The following ZNF614 variants were observed in gnomAD, a reference collection of about 807,000 sequenced individuals.
ZNF614 encodes the protein zinc finger protein 614.
In ZNF614, 11 loss-of-function variants were observed where a neutral mutation model predicts 12.8. The observed-to-expected ratio is 0.86, with a 90% CI of 0.54 to 1.43. ZNF614 has a LOEUF of 1.43. Among genes scored for constraint, ZNF614 ranks in the 40% most tolerant of loss-of-function variants. ZNF614 has a pLI of 0.00. For missense variants in ZNF614, 664 were observed against 708.8 expected (o/e 0.94, Z 0.72); for synonymous variants, 237 against 237.5 (o/e 1.00, Z 0.02).
intron 2 of ZNF614, among the ~76,000 whole-genome samples, chr19:52,022,454 C>T (rs935644207): frequency 3.2e-4 from 49 of 152,324 alleles, no homozygotes; most frequent in African/African-American, 1.1e-3. Flanking sequence ...AAGTGAGGAG[C>T]GCCTTTGCGC....
Position 52,017,366 on chromosome 19 carries a change from A to G in ZNF614, c.239-7T>C, listed in dbSNP as rs771439342. 1.1e-5 allele frequency: 18 copies of G among 1,581,358 alleles called. No homozygotes were observed. The African/African-American group carries it at 2.2e-4, about 19-fold the overall frequency. On this transcript the variant is annotated splice_region_variant and splice_polypyrimidine_tract_variant and intron_variant, in intron 4 of 4. Coordinates refer to ENST00000270649, the MANE Select transcript of ZNF614 (RefSeq NM_025040.4). ...CTGTCAACTTTCCCGATTCCTAAGAAAGAACAGAGTAACAAATTCTTCCAT... is the reference window on the plus strand; with the variant it reads ...CTGTCAACTTTCCCGATTCCTAAGAGAGAACAGAGTAACAAATTCTTCCAT...
intron 3 of ZNF614, 51 bp downstream of exon 3, chr19:52,018,317 G>T (rs1274600191): frequency 1.2e-6 from 2 of 1,612,788 alleles, no homozygotes; most frequent in African/African-American, 1.3e-5. Flanking sequence ...GCATAGGACG[G>T]TGTCTGGGCA....
intron 1 of ZNF614, among the ~76,000 whole-genome samples, chr19:52,026,359 G>C (rs1885583608): frequency 6.6e-6 from 1 of 152,242 alleles, no homozygotes. Context: ...TATGCTAGCA[G>C]AGACATGTGC....
In ZNF614 at chr19:52,017,271, T is replaced by C. The variant is rs2086905376; in HGVS notation, c.327A>G (p.Thr109=). 1 of 1,614,062 alleles carries C rather than the reference T, an allele frequency of 6.2e-7. No individual in the cohort carries two copies. Among genetic ancestry groups the C allele is most frequent in the Non-Finnish European group, 8.5e-7 (1 of 1,180,052 alleles). ...TGCTGAGATGTACAATATTTCTAAG[T>C]GTATTCTGTCCATTGCATTGCTGCA... ...KSVQQCNGQN[T]LRNIVHLSKT... is the part of the protein sequence containing the mutation. Residue 109 remains threonine (T), a synonymous_variant, in exon 5 of 5, where the codon ACA becomes ACG. Coordinates refer to ENST00000270649, the MANE Select transcript of ZNF614 (RefSeq NM_025040.4).
intron 4 of ZNF614, 28 bp downstream of exon 4, chr19:52,017,980 G>T: frequency 6.4e-7 from 1 of 1,560,150 alleles, no homozygotes; most frequent in Non-Finnish European, 8.8e-7. Flanking sequence ...GACTCCTATA[G>T]CCACTGTCCT....
chr19:52,018,549 A>G (rs1227987727), intron 2 of ZNF614, 55 bp from the exon 3 acceptor site: 1 of 1,516,994 alleles, frequency 6.6e-7, no homozygotes, highest in African/African-American at 1.4e-5. Context: ...TTAATATAGA[A>G]GTATAAGATA....
chr19:52,026,872 G>A (rs952685422), intron 1 of ZNF614, among the ~76,000 whole-genome samples: 2 of 152,178 alleles, frequency 1.3e-5, no homozygotes, highest in South Asian at 2.1e-4. Flanking sequence ...GGCACAGCAC[G>A]TTTCCTTAAA....
intron 3 of ZNF614, 127 bp from the exon 4 acceptor site, chr19:52,018,230 C>T (rs2086912637): frequency 6.8e-7 from 1 of 1,463,200 alleles, no homozygotes; most frequent in Non-Finnish European, 9.5e-7. Context: ...GAGATTATAC[C>T]ACTTTGGGGT....
rs140978395 is a variant in ZNF614, at chr19:52,026,712, G to A, written c.-216-751C>T. 3.3e-5 allele frequency among the ~76,000 whole-genome samples: 5 copies of A among 152,278 alleles called. No homozygotes were observed. In the East Asian group the frequency reaches 5.8e-4, roughly 18 times the overall value. The stretch of plus-strand genomic sequence containing the variant: ...AGAGAAAGGCATCTGTCTCCTCCTC[G>A]TCCCTGGGAATGGAATGTCTCCGTG... On this transcript the variant is annotated intron_variant, in intron 1 of 4. Transcript: ENST00000270649.
At position 52,025,865 on chromosome 19, in the gene ZNF614, TC is replaced by T. The variant is rs2086968482; in HGVS notation, c.-121del. 3 of 1,076,438 alleles carry T rather than the reference TC, an allele frequency of 2.8e-6. No homozygotes were observed. Among genetic ancestry groups the T allele is most frequent in the Non-Finnish European group, 2.7e-6 (2 of 731,224 alleles). 66.7% of individuals were successfully genotyped at this position (1,076,438 alleles called of 1,614,324 possible). A position where few individuals can be genotyped will look rare whatever the true frequency, so the allele number is the denominator to read the frequency against. On this transcript the variant is annotated 5_prime_UTR_variant, in exon 2 of 5. Coordinates refer to ENST00000270649, the MANE Select transcript of ZNF614 (RefSeq NM_025040.4). Reference sequence around the variant, plus strand: ...AAATATTAGTGTCCACTTAAAGTTGTCCCCAGAAATTATGATATCCAAGGCC... The same window carrying T: ...AAATATTAGTGTCCACTTAAAGTTGTCCCAGAAATTATGATATCCAAGGCC...
At chr19:52,023,005 G>A (rs977516071) in intron 2 of ZNF614, among the ~76,000 whole-genome samples, 6 of 149,626 alleles carry the variant, frequency 4.0e-5, no homozygotes, top group Admixed American at 1.3e-4. Context: ...GCATGAATCC[G>A]GAGGCGGAGC....
intron 2 of ZNF614, among the ~76,000 whole-genome samples, chr19:52,019,279 TAC>T (rs1165362371): frequency 6.6e-6 from 1 of 152,040 alleles, no homozygotes; most frequent in Non-Finnish European, 1.5e-5. Flanking sequence ...GAAAATGCAG[TAC>T]AGAGAAAAAA....
chr19:52,028,375 G>A lies in ZNF614; in HGVS notation c.-350C>T, dbSNP rs2086990375. ...CGGTAAAGACCGTGAAGCGAGGCGA[G>A]GACCACGGAGCCTGCCCGGGATCGC... is the stretch of plus-strand genomic sequence containing the variant. On this transcript the variant is annotated 5_prime_UTR_variant, in exon 1 of 5. Coordinates refer to ENST00000270649, the MANE Select transcript of ZNF614 (RefSeq NM_025040.4). 1 of 152,342 alleles carries A rather than the reference G, an allele frequency of 6.6e-6. No individual in the cohort carries two copies. The allele number at this position is 152,342 out of a possible 1,614,324, so 9.4% of individuals were successfully genotyped here. A position where few individuals can be genotyped will look rare whatever the true frequency, so the allele number is the denominator to read the frequency against.
chr19:52,021,256 A>C (rs968880701), intron 2 of ZNF614, among the ~76,000 whole-genome samples: 7 of 152,306 alleles, frequency 4.6e-5, no homozygotes, highest in Admixed American at 1.3e-4. Context: ...TTCAGCCTTC[A>C]GATCAGATTC....
At chr19:52,019,948 C>T (rs1380203951) in intron 2 of ZNF614, among the ~76,000 whole-genome samples, 1 of 152,162 alleles carries the variant, frequency 6.6e-6, no homozygotes, top group East Asian at 1.9e-4. Context: ...AGTGCTCAAG[C>T]CTGGTCAGTT....
chr19:52,021,705 T>C (rs2086933956), intron 2 of ZNF614, among the ~76,000 whole-genome samples: 1 of 150,984 alleles, frequency 6.6e-6, no homozygotes, highest in African/African-American at 2.4e-5. Flanking sequence ...CACTCCATCC[T>C]GGGGAAGAGG....
intron 2 of ZNF614, among the ~76,000 whole-genome samples, chr19:52,021,053 ATC>A (rs1472928501): frequency 1.3e-5 from 2 of 152,212 alleles, no homozygotes; most frequent in Non-Finnish European, 2.9e-5. Flanking sequence ...TGCTAGCAGA[ATC>A]TGTCATTTTC....
chr19:52,016,132 C>A lies in ZNF614; in HGVS notation c.1466G>T (p.Gly489Val). The A allele has an allele frequency of 6.2e-7, 1 of 1,614,130 alleles. No individual in the cohort carries two copies. The highest frequency in any genetic ancestry group is 1.3e-5 in the African/African-American group (1 of 75,002). ...GKTPFVCTEC[G>V]KSYSHKYGLI... ...GCCATATTTGTGTGAATAGGATTTT[C>A]CGCACTCGGTACATACAAAGGGAGT... Residue 489 changes from glycine to valine, a missense_variant, in exon 5 of 5, where the codon GGA becomes GTA. Coordinates refer to ENST00000270649, the MANE Select transcript of ZNF614 (RefSeq NM_025040.4).
Position 52,015,919 on chromosome 19 carries a change from ATT to A in ZNF614, c.1677_1678del (p.Lys559AsnfsTer8). On this transcript the variant is annotated frameshift_variant, in exon 5 of 5. Coordinates refer to ENST00000270649, the MANE Select transcript of ZNF614 (RefSeq NM_025040.4). LOFTEE classifies it low-confidence loss of function (END_TRUNC). ...GATTCTACCCATTTCTCTTGTGTGCATTTTCTTATGTTTGACAAGGTTTGATA... is the reference window on the plus strand; with the variant it reads ...GATTCTACCCATTTCTCTTGTGTGCATTCTTATGTTTGACAAGGTTTGATA... 1 of 1,614,126 alleles carries A rather than the reference ATT, an allele frequency of 6.2e-7. No homozygotes were observed.
Sources: allele counts gnomAD v4.1 joint callset (sites outside exome capture counted in the v4.1 genomes callset), GRCh38; gene constraint gnomAD v4.1.1; transcripts MANE v1.5; gene names NCBI Gene and HGNC (gene_info 2026-07-23, HGNC 2026-07-21).